The following STK32B variants were observed in gnomAD, a reference collection of about 807,000 sequenced individuals.
STK32B encodes the protein serine/threonine-protein kinase 32B.
STK32B carries 43 observed loss-of-function variants against 52.6 expected under a neutral mutation model. That is an observed-to-expected ratio of 0.82 (90% CI 0.64 to 1.05). The LOEUF (loss-of-function observed/expected upper bound fraction) is 1.05, where lower values mean the gene tolerates loss of function less well. Ranked by LOEUF, STK32B falls within the 50% of genes least tolerant of loss-of-function variation. The pLI, the probability that STK32B is intolerant of heterozygous loss-of-function variation, is 0.00. For synonymous variants in STK32B, 238 were observed against 204.3 expected (o/e 1.17, Z -1.41); for missense variants, 621 against 534.6 (o/e 1.16, Z -1.59).
intron 1 of STK32B, among the ~76,000 whole-genome samples, chr4:5,123,321 C>T (rs7660270): frequency 0.49 from 74,348 of 152,010 alleles, 18,621 homozygotes; most frequent in East Asian, 0.68. Context: ...TCTCTGCACC[C>T]GGCTTCATCT....
chr4:5,043,851 CT>C, the STK32B span, among the ~76,000 whole-genome samples: 13 of 152,248 alleles, frequency 8.5e-5, no homozygotes, highest in African/African-American at 3.1e-4. Flanking sequence ...TACCTGTCTT[CT>C]CGGGCTCCCA....
At chr4:5,168,866 G>C (rs1287604847) in intron 3 of STK32B, among the ~76,000 whole-genome samples, 3 of 152,114 alleles carry the variant, frequency 2.0e-5, no homozygotes, top group Non-Finnish European at 4.4e-5. Context: ...CATCACGGAC[G>C]TACCAAATTC....
At chr4:5,255,242 A>T (rs6819306) in intron 3 of STK32B, among the ~76,000 whole-genome samples, 18,732 of 152,014 alleles carry the variant, frequency 0.12, 3,180 homozygotes, top group African/African-American at 0.38. Flanking sequence ...GTTTTGGGGG[A>T]TCAGGAGGGC....
intron 11 of STK32B, among the ~76,000 whole-genome samples, chr4:5,484,358 C>T (rs1232364457): frequency 3.3e-5 from 5 of 152,228 alleles, no homozygotes; most frequent in Non-Finnish European, 5.9e-5. Flanking sequence ...TTCTTTGTCT[C>T]TTTTGATCTT....
At chr4:5,143,468 T>G (rs1716661432) in intron 2 of STK32B, among the ~76,000 whole-genome samples, 1 of 152,140 alleles carries the variant, frequency 6.6e-6, no homozygotes, top group Non-Finnish European at 1.5e-5. Flanking sequence ...CCTCACTTCC[T>G]CCTTCTCACA....
chr4:5,477,932 A>G (rs1718369173), intron 11 of STK32B, among the ~76,000 whole-genome samples: 1 of 152,092 alleles, frequency 6.6e-6, no homozygotes, highest in Admixed American at 6.5e-5. Context: ...ACCCACACCA[A>G]GAAGGACCCA....
chr4:5,028,581 A>C, the STK32B span, among the ~76,000 whole-genome samples: 1 of 152,200 alleles, frequency 6.6e-6, no homozygotes, highest in Non-Finnish European at 1.5e-5. Context: ...GGACCACCCA[A>C]GTTTTGCTTG....
chr4:5,393,155 T>C (rs895574327), intron 4 of STK32B, among the ~76,000 whole-genome samples: 2 of 152,130 alleles, frequency 1.3e-5, no homozygotes, highest in African/African-American at 4.8e-5. Context: ...GGTGAAGCCC[T>C]CCCATTCCTC....
intron 3 of STK32B, among the ~76,000 whole-genome samples, chr4:5,173,320 C>T (rs1203538731): frequency 6.6e-6 from 1 of 152,034 alleles, no homozygotes; most frequent in Admixed American, 6.6e-5. Context: ...CTGCTCTGAT[C>T]TTAGTTATTT....
intron 4 of STK32B, among the ~76,000 whole-genome samples, chr4:5,381,624 T>G (rs550174723): frequency 5.9e-5 from 9 of 152,350 alleles, no homozygotes; most frequent in African/African-American, 2.2e-4. Context: ...CTTCTTGCCT[T>G]CGCTACCCAG....
chr4:5,373,325 A>G (rs1449849993), intron 4 of STK32B, among the ~76,000 whole-genome samples: 2 of 152,186 alleles, frequency 1.3e-5, no homozygotes, highest in Non-Finnish European at 2.9e-5. Context: ...AGCAGGTTCA[A>G]CACCCATGTG....
At chr4:5,059,080 T>TTTTTTTTTTTTTTA (rs1185569354) in intron 1 of STK32B, among the ~76,000 whole-genome samples, 1 of 124,622 alleles carries the variant, frequency 8.0e-6, no homozygotes. Context: ...TTTTTTTTTT[T>TTTTTTTTTTTTTTA]TGTAGAGCTG....
chr4:5,495,969 T>A (rs574884518), intron 11 of STK32B, among the ~76,000 whole-genome samples: 1 of 152,054 alleles, frequency 6.6e-6, no homozygotes, highest in East Asian at 1.9e-4. Flanking sequence ...GGCCGTGTGA[T>A]GTGTCAGTCT....
chr4:5,418,836 G>T (rs890057004), intron 6 of STK32B, among the ~76,000 whole-genome samples: 4 of 152,318 alleles, frequency 2.6e-5, no homozygotes, highest in African/African-American at 2.4e-5. Context: ...GCCTAAAACC[G>T]CCTGGAGGAG....
At position 5,470,040 on chromosome 4, in the gene STK32B, T is replaced by A. The variant is rs553276565; in HGVS notation, c.1106+1970T>A. Among the ~76,000 whole-genome samples, 2 of 152,160 alleles carry A rather than the reference T, an allele frequency of 1.3e-5. No homozygotes were observed. Among genetic ancestry groups the A allele is most frequent in the Non-Finnish European group, 2.9e-5 (2 of 68,020 alleles). On this transcript the variant is annotated intron_variant, in intron 11 of 11. Transcript: ENST00000282908. This position sits in a 1 kb window ranked among gnomAD's most constrained non-coding sequence, Gnocchi z 4.6. ...TGAGCCTGCAAAAAGCTAAGCTGTGTGGGACCCAAGCAGACAGCAATCTCA... is the reference window on the plus strand; with the variant it reads ...TGAGCCTGCAAAAAGCTAAGCTGTGAGGGACCCAAGCAGACAGCAATCTCA...
intron 3 of STK32B, among the ~76,000 whole-genome samples, chr4:5,307,548 CTTT>C (rs558277345): frequency 1.5e-5 from 2 of 137,374 alleles, no homozygotes; most frequent in Non-Finnish European, 3.2e-5. Context: ...TATGCTCTAT[CTTT>C]TTTTTTTTTT....
intron 3 of STK32B, among the ~76,000 whole-genome samples, chr4:5,314,776 C>T (rs1028106765): frequency 6.6e-6 from 1 of 151,782 alleles, no homozygotes; most frequent in African/African-American, 2.4e-5. Flanking sequence ...AGTCACATAG[C>T]CAACAAAGTA....
intron 1 of STK32B, among the ~76,000 whole-genome samples, chr4:5,054,590 C>G (rs964177676): frequency 1.6e-4 from 25 of 152,158 alleles, no homozygotes; most frequent in Admixed American, 1.4e-3. Flanking sequence ...ACCCTGAATG[C>G]CTGGCCGGCC....
chr4:5,142,025 G>T (rs922837635), intron 2 of STK32B, among the ~76,000 whole-genome samples: 3 of 152,176 alleles, frequency 2.0e-5, no homozygotes, highest in African/African-American at 7.2e-5. Context: ...CCTACTGAGG[G>T]AAGCATCTTC....
Sources: gnomAD v4.1 joint callset for allele counts (sites outside exome capture counted in the v4.1 genomes callset) on GRCh38, gnomAD v4.1.1 for gene constraint, Gnocchi (gnomAD v3.1) non-coding constraint, MANE v1.5 for transcripts, NCBI Gene and HGNC (gene_info 2026-07-23, HGNC 2026-07-21) for gene names.